Variants in PRKG1 observed in about 807,000 individuals in gnomAD.
PRKG1 encodes protein kinase cGMP-dependent 1, also known as cGMP-dependent protein kinase 1.
A neutral mutation model predicts 88.1 loss-of-function variants in PRKG1; 35 were observed. That is an observed-to-expected ratio of 0.40 (90% confidence interval 0.30 to 0.53). The LOEUF (loss-of-function observed/expected upper bound fraction) is 0.53. PRKG1 is among the 20% of genes least tolerant of loss of function. PRKG1 has a pLI of 0.59. For synonymous variants in PRKG1, 303 were observed against 292.5 expected, an observed-to-expected ratio of 1.04 and a Z score of -0.37; for missense variants, 540 against 839.8, an observed-to-expected ratio of 0.64 and a Z score of 4.41.
At chr10:52,238,792 A>G (rs1439481999) in intron 9 of PRKG1, among the ~76,000 whole-genome samples, 1 of 150,434 alleles carries the variant, frequency 6.6e-6, no homozygotes, top group Non-Finnish European at 1.5e-5. Flanking sequence ...AGCTAGAAAT[A>G]CCATTTGACC....
intron 3 of PRKG1, among the ~76,000 whole-genome samples, chr10:51,517,987 C>G (rs143200726): frequency 6.6e-6 from 1 of 152,092 alleles, no homozygotes; most frequent in Non-Finnish European, 1.5e-5. Flanking sequence ...TTACTTCCTA[C>G]TTAACAGGAC....
chr10:51,231,262 C>G (rs1463675580), intron 2 of PRKG1, among the ~76,000 whole-genome samples: 1 of 152,074 alleles, frequency 6.6e-6, no homozygotes, highest in South Asian at 2.1e-4. Context: ...AATTAAAACT[C>G]GGAAACATTA....
At chr10:51,748,438 G>T (rs1012942955) in intron 3 of PRKG1, among the ~76,000 whole-genome samples, 2 of 152,096 alleles carry the variant, frequency 1.3e-5, no homozygotes, top group Admixed American at 6.6e-5. Flanking sequence ...TGGTATTTAG[G>T]TTTTATCTTT....
chr10:51,374,093 A>AATATATATATATATATATATATAT (rs58198784), intron 2 of PRKG1, among the ~76,000 whole-genome samples: 45 of 100,006 alleles, frequency 4.5e-4, no homozygotes, highest in Non-Finnish European at 8.0e-4. Flanking sequence ...AAAAAAAAAA[A>AATATATATATATATATATATATAT]ATATATATAT....
At chr10:51,452,378 G>A (rs893211458) in intron 2 of PRKG1, among the ~76,000 whole-genome samples, 3 of 151,720 alleles carry the variant, frequency 2.0e-5, no homozygotes, top group South Asian at 4.2e-4. Context: ...CAGTTCTCAG[G>A]GGGAATGCTT....
chr10:50,999,874 G>A (rs927788289), intron 1 of PRKG1, among the ~76,000 whole-genome samples: 1 of 152,162 alleles, frequency 6.6e-6, no homozygotes, highest in Non-Finnish European at 1.5e-5. Flanking sequence ...TAGAAACCAG[G>A]TCTGTTTACA....
chr10:51,256,669 C>T (rs1451149233), intron 2 of PRKG1, among the ~76,000 whole-genome samples: 1 of 151,992 alleles, frequency 6.6e-6, no homozygotes, highest in African/African-American at 2.4e-5. Context: ...TAGAAAGACA[C>T]AGATCCAATC....
chr10:51,856,839 C>T (rs1481507286), intron 4 of PRKG1, among the ~76,000 whole-genome samples: 4 of 151,984 alleles, frequency 2.6e-5, no homozygotes, highest in Non-Finnish European at 5.9e-5. Context: ...GTGGCGGGTG[C>T]CTTAGTCCCA....
At chr10:51,097,246 C>A (rs757239869) in intron 1 of PRKG1, among the ~76,000 whole-genome samples, 6 of 152,078 alleles carry the variant, frequency 3.9e-5, no homozygotes, top group Non-Finnish European at 8.8e-5. Context: ...TTGACAGAGT[C>A]TTACTGTTGT....
chr10:51,532,280 C>T (rs984269463), intron 3 of PRKG1, among the ~76,000 whole-genome samples: 1 of 152,160 alleles, frequency 6.6e-6, no homozygotes, highest in Non-Finnish European at 1.5e-5. Context: ...CATAAAGATA[C>T]TATTATTTCA....
chr10:52,210,534 C>T (rs527997366), intron 9 of PRKG1, among the ~76,000 whole-genome samples: 1 of 152,222 alleles, frequency 6.6e-6, no homozygotes, highest in African/African-American at 2.4e-5. Flanking sequence ...TTGTTAATGC[C>T]TTTATTTCTA....
chr10:51,625,330 A>T (rs926878131), intron 3 of PRKG1, among the ~76,000 whole-genome samples: 2 of 152,010 alleles, frequency 1.3e-5, no homozygotes, highest in Non-Finnish European at 2.9e-5. Flanking sequence ...TACAAAAATT[A>T]ACTGGGTGTG....
chr10:51,302,711 TTA>T (rs1840924926), intron 2 of PRKG1: 1 of 152,138 alleles, frequency 6.6e-6, no homozygotes. Flanking sequence ...GAGATGTACT[TTA>T]TTTCATTACC....
At chr10:52,085,498 C>A (rs889689628) in intron 7 of PRKG1, among the ~76,000 whole-genome samples, 1 of 151,992 alleles carries the variant, frequency 6.6e-6, no homozygotes, top group Non-Finnish European at 1.5e-5. Context: ...TGGGATAATC[C>A]GTTCAAAGTG....
At chr10:52,072,341 C>T (rs911890610) in intron 7 of PRKG1, among the ~76,000 whole-genome samples, 1 of 151,632 alleles carries the variant, frequency 6.6e-6, no homozygotes, top group Non-Finnish European at 1.5e-5. Flanking sequence ...CAAAACAAAA[C>T]AAAACAATAC....
intron 1 of PRKG1, among the ~76,000 whole-genome samples, chr10:51,117,859 G>A (rs1310339551): frequency 3.3e-5 from 5 of 152,152 alleles, no homozygotes; most frequent in African/African-American, 1.2e-4. Context: ...CATGATTGCA[G>A]TTCTATGTTT....
intron 3 of PRKG1, among the ~76,000 whole-genome samples, chr10:51,688,423 C>T (rs10998914): frequency 0.047 from 7,223 of 152,118 alleles, 590 homozygotes; most frequent in African/African-American, 0.17. Context: ...TGCGTAATCC[C>T]GTGGAGGTTA....
chr10:51,337,376 A>T (rs1306728044), intron 2 of PRKG1, among the ~76,000 whole-genome samples: 1 of 152,218 alleles, frequency 6.6e-6, no homozygotes. Context: ...TGAAATTGCC[A>T]AAAGCAATTG....
chr10:52,239,702 A>T (rs1840808197), intron 9 of PRKG1, among the ~76,000 whole-genome samples: 1 of 152,094 alleles, frequency 6.6e-6, no homozygotes, highest in Non-Finnish European at 1.5e-5. Context: ...TGTCAGCTGA[A>T]GTGTTACAGC....
Sources: gnomAD v4.1 joint callset for allele counts (sites outside exome capture counted in the v4.1 genomes callset) on GRCh38, gnomAD v4.1.1 for gene constraint, MANE v1.5 for transcripts, NCBI Gene and HGNC (gene_info 2026-07-23, HGNC 2026-07-21) for gene names.